TRIO: variants seen among roughly 807,000 people sequenced by gnomAD.
TRIO encodes the protein triple functional domain protein.
In TRIO, 58 loss-of-function variants were observed where a neutral mutation model predicts 351.9. The observed-to-expected ratio is 0.16, with a 90% CI of 0.13 to 0.21. The LOEUF (loss-of-function observed/expected upper bound fraction) is 0.21. TRIO is among the 10% of genes least tolerant of loss of function. The pLI, the probability that TRIO is intolerant of heterozygous loss-of-function variation, is 1.00. For missense variants in TRIO, 3,201 were observed against 4,027.8 expected (o/e 0.79, Z 5.56); for synonymous variants, 1,758 against 1,595.7 (o/e 1.10, Z -2.42).
At chr5:14,470,413 A>G (rs919143506) in intron 37 of TRIO, among the ~76,000 whole-genome samples, 4 of 152,216 alleles carry the variant, frequency 2.6e-5, no homozygotes, top group African/African-American at 7.2e-5. Flanking sequence ...TTCCAGTTCA[A>G]TCATATCTAT....
intron 29 of TRIO, chr5:14,397,410 C>T (rs1747699452): frequency 2.7e-6 from 1 of 372,918 alleles, no homozygotes; most frequent in Non-Finnish European, 4.9e-6. Context: ...CTTTGTGTCG[C>T]TTGCTGCAGG....
rs186756720 is a variant in TRIO, at chr5:14,494,322, G to A, written c.7880+1508G>A. Among the ~76,000 whole-genome samples, 22 of 152,296 alleles carry A rather than the reference G, an allele frequency of 1.4e-4. No homozygotes were observed. The East Asian group carries it at 3.9e-3, about 27-fold the overall frequency. On this transcript the variant is annotated intron_variant, in intron 49 of 56. Transcript: ENST00000344204. ...TGTGGTAGAGGCATCTACTCTGCCT[G>A]TGCTCTAGAAATGGAACAACAAAGC... is the stretch of plus-strand genomic sequence containing the variant.
intron 11 of TRIO, among the ~76,000 whole-genome samples, chr5:14,344,417 ATATAG>A (rs1443535114): frequency 6.6e-6 from 1 of 152,236 alleles, no homozygotes; most frequent in Non-Finnish European, 1.5e-5. Context: ...AATTGAGAAA[ATATAG>A]TATAACAAAC....
intron 8 of TRIO, 68 bp from the exon 9 acceptor site, chr5:14,316,445 C>T (rs1739388020): frequency 6.6e-7 from 1 of 1,520,468 alleles, no homozygotes; most frequent in Non-Finnish European, 9.0e-7. Flanking sequence ...TATCCAAGGA[C>T]AGCATCTGTG....
intron 11 of TRIO, among the ~76,000 whole-genome samples, chr5:14,351,271 A>T (rs1218793822): frequency 1.3e-5 from 2 of 152,114 alleles, no homozygotes; most frequent in Admixed American, 1.3e-4. Context: ...TTTCAGACAG[A>T]GGAACATGCT....
At chr5:14,264,794 G>T (rs116565823) in intron 1 of TRIO, among the ~76,000 whole-genome samples, 9 of 152,218 alleles carry the variant, frequency 5.9e-5, no homozygotes, top group Non-Finnish European at 1.2e-4. Context: ...TGGCCGGCCC[G>T]GAGAGGGTGA....
In TRIO at chr5:14,369,274, A is replaced by G. The variant is rs1428566269; in HGVS notation, c.3067-100A>G. On this transcript the variant is annotated intron_variant, in intron 17 of 56. Transcript: ENST00000344204. ...TTCTTATGGTCTTGATCCTCCTGAC[A>G]GCATCTTCATCCCCAGAGCCCGACT... is the stretch of plus-strand genomic sequence containing the variant. 12 of 1,472,354 alleles carry G rather than the reference A, an allele frequency of 8.2e-6. No homozygotes were observed. The East Asian group carries it at 2.1e-4, about 26-fold the overall frequency. The allele number at this position is 1,472,354 out of a possible 1,614,324, so 91.2% of individuals were successfully genotyped here. A position where few individuals can be genotyped will look rare whatever the true frequency, so the allele number is the denominator to read the frequency against.
Position 14,326,392 on chromosome 5 carries a change from C to G in TRIO, c.1732-4386C>G, listed in dbSNP as rs981285327. ...TGCCTTCTGACATTTGACTTAGGTGCTGAGCGATGGTAGCTGTTTCAAGTG... is the reference window on the plus strand; with the variant it reads ...TGCCTTCTGACATTTGACTTAGGTGGTGAGCGATGGTAGCTGTTTCAAGTG... On this transcript the variant is annotated intron_variant, in intron 9 of 56. Transcript: ENST00000344204. Among the ~76,000 whole-genome samples the G allele has an allele frequency of 2.0e-5, 3 of 152,212 alleles. No individual in the cohort carries two copies. In the East Asian group the frequency reaches 5.8e-4, roughly 29 times the overall value.
intron 16 of TRIO, 47 bp from the exon 17 acceptor site, chr5:14,368,661 G>A (rs1003212385): frequency 6.3e-7 from 1 of 1,584,958 alleles, no homozygotes; most frequent in Non-Finnish European, 8.6e-7. Flanking sequence ...TTTCTAGTCA[G>A]TGGGGACACT....
chr5:14,153,302 C>T (rs1166597458), intron 1 of TRIO, among the ~76,000 whole-genome samples: 3 of 152,222 alleles, frequency 2.0e-5, no homozygotes, highest in South Asian at 4.1e-4. Flanking sequence ...GCCAGGACCC[C>T]TGTCACGTGG....
chr5:14,169,800 G>A (rs180948499), intron 1 of TRIO, among the ~76,000 whole-genome samples: 1 of 152,326 alleles, frequency 6.6e-6, no homozygotes, highest in Non-Finnish European at 1.5e-5. Flanking sequence ...ATGGCATTTT[G>A]GGATTAGCTT....
At chr5:14,263,487 T>C (rs190936074) in intron 1 of TRIO, among the ~76,000 whole-genome samples, 1 of 152,346 alleles carries the variant, frequency 6.6e-6, no homozygotes, top group East Asian at 1.9e-4. Flanking sequence ...GTTTTTTCTT[T>C]TTCTTTGTCT....
At chr5:14,222,946 A>G (rs1053212691) in intron 1 of TRIO, among the ~76,000 whole-genome samples, 3 of 152,222 alleles carry the variant, frequency 2.0e-5, no homozygotes, top group African/African-American at 2.4e-5. Flanking sequence ...TTCCTGATTG[A>G]GGGCGTCTCC....
rs779283481 is a variant in TRIO, at chr5:14,419,969, C to T, written c.5151C>T (p.Cys1717=). Residue 1717 remains cysteine, a synonymous_variant, in exon 34 of 57, where the codon TGC becomes TGT. Transcript: ENST00000344204. The stretch of plus-strand genomic sequence containing the variant: ...GCCTGGTCCCCTGTGGTTCACTGTG[C>T]ATCGCCCACTCCAGAAGTAGCATGG... ...AEGLVPCGSL[C]IAHSRSSMEM... The T allele has an allele frequency of 6.2e-7, 1 of 1,614,240 alleles. No homozygotes were observed. The highest frequency in any genetic ancestry group is 1.3e-5 in the African/African-American group (1 of 75,076).
intron 33 of TRIO, among the ~76,000 whole-genome samples, chr5:14,417,071 C>T (rs1749709489): frequency 6.6e-6 from 1 of 152,206 alleles, no homozygotes; most frequent in South Asian, 2.1e-4. Context: ...AGGAAGCACC[C>T]CAGCTCTAAG....
At chr5:14,276,954 C>T (rs1036410743) in intron 2 of TRIO, among the ~76,000 whole-genome samples, 1 of 151,246 alleles carries the variant, frequency 6.6e-6, no homozygotes, top group African/African-American at 2.4e-5. Flanking sequence ...TTTCAGCCTT[C>T]TTTCTATTAT....
At chr5:14,486,467 T>C (rs947182454) in intron 47 of TRIO, among the ~76,000 whole-genome samples, 1 of 152,182 alleles carries the variant, frequency 6.6e-6, no homozygotes, top group Non-Finnish European at 1.5e-5. Flanking sequence ...CATCTGCAGC[T>C]AGGGGTGGGC....
intron 1 of TRIO, among the ~76,000 whole-genome samples, chr5:14,256,983 C>T (rs890700075): frequency 6.6e-6 from 1 of 152,238 alleles, no homozygotes; most frequent in Admixed American, 6.5e-5. Context: ...GCATCTTTGT[C>T]TGTGTGTCCA....
Position 14,487,678 on chromosome 5 carries a change from C to G in TRIO, c.7050C>G (p.Pro2350=). The change falls in exon 48 of 57, where the codon CCC becomes CCG. Residue 2350 remains proline, a synonymous_variant. Coordinates refer to ENST00000344204, the MANE Select transcript of TRIO (RefSeq NM_007118.4). ...CCCAGCCTGTCCGACACCACCCCCC[C>G]GTGCTGGTCTCCTCTGCAGCCTCGA... ...RIPQPVRHHP[P]VLVSSAASSQ... 3 of 1,411,918 alleles carry G rather than the reference C, an allele frequency of 2.1e-6. No individual in the cohort carries two copies. The highest frequency in any genetic ancestry group is 2.3e-5 in the Admixed American group (1 of 42,606). 87.5% of individuals were successfully genotyped at this position (1,411,918 alleles called of 1,614,324 possible).
Sources: allele counts gnomAD v4.1 joint callset (sites outside exome capture counted in the v4.1 genomes callset), GRCh38; gene constraint gnomAD v4.1.1; transcripts MANE v1.5; gene names NCBI Gene and HGNC (gene_info 2026-07-23, HGNC 2026-07-21).